Variants in ARHGAP19 observed in about 807,000 individuals in gnomAD.
The protein encoded by ARHGAP19 is Rho GTPase activating protein 19, also known as rho GTPase-activating protein 19.
ARHGAP19 carries 48 observed loss-of-function variants against 60.9 expected under a neutral mutation model. The observed-to-expected ratio is 0.79, with a 90% CI of 0.62 to 1.00. The LOEUF (loss-of-function observed/expected upper bound fraction) is 1.00, where lower values mean the gene tolerates loss of function less well. Ranked by LOEUF, ARHGAP19 falls within the 50% of genes least tolerant of loss-of-function variation. The pLI is 0.00. For synonymous variants in ARHGAP19, 209 were observed against 215.5 expected, an observed-to-expected ratio of 0.97 and a Z score of 0.27; for missense variants, 562 against 597.2, an observed-to-expected ratio of 0.94 and a Z score of 0.61.
rs1850863665 is a variant in ARHGAP19, at chr10:97,224,710, C to T, written c.*1412G>A. The stretch of plus-strand genomic sequence containing the variant: ...CATAGTGGCCTGACTCGGCTCCAAC[C>T]CACAGGGTGAGAAGGGTTGTACAGC... On this transcript the variant is annotated 3_prime_UTR_variant, in exon 12 of 12. Transcript: ENST00000358531. 6.6e-6 allele frequency: 1 copy of T among 152,284 alleles called. No individual in the cohort carries two copies. Among genetic ancestry groups the T allele is most frequent in the African/African-American group, 2.4e-5 (1 of 41,464 alleles). 9.4% of individuals were successfully genotyped at this position (152,284 alleles called of 1,614,324 possible).
At chr10:97,241,344 C>CCTTAGG (rs748257869) in intron 8 of ARHGAP19, among the ~76,000 whole-genome samples, 45 of 150,710 alleles carry the variant, frequency 3.0e-4, no homozygotes, top group Non-Finnish European at 4.9e-4. Flanking sequence ...ATATTTGAGC[C>CCTTAGG]CTTACATCTA....
intron 6 of ARHGAP19, among the ~76,000 whole-genome samples, chr10:97,248,515 T>G (rs1456434460): frequency 6.6e-6 from 1 of 152,106 alleles, no homozygotes; most frequent in East Asian, 1.9e-4. Flanking sequence ...AAATCTGAAT[T>G]GGTGGTATTA....
At chr10:97,243,912 C>G (rs1842525006) in intron 8 of ARHGAP19, 56 bp downstream of exon 8, 2 of 1,456,868 alleles carry the variant, frequency 1.4e-6, no homozygotes, top group African/African-American at 1.4e-5. Flanking sequence ...CCTACTGATT[C>G]TACAACCACG....
chr10:97,270,634 T>A (rs758695088), intron 1 of ARHGAP19: 38 of 1,548,748 alleles, frequency 2.5e-5, no homozygotes, highest in Non-Finnish European at 8.7e-7. Context: ...TGATGAGGCA[T>A]TGGTAAATCG....
chr10:97,243,844 T>C (rs1842524134), intron 8 of ARHGAP19, 124 bp downstream of exon 8: 14 of 906,254 alleles, frequency 1.5e-5, no homozygotes, highest in Admixed American at 2.7e-5. Context: ...GGAGATTCCA[T>C]AGACAAGCCT....
At chr10:97,259,076 T>C (rs1049278545) in intron 5 of ARHGAP19, among the ~76,000 whole-genome samples, 1 of 152,236 alleles carries the variant, frequency 6.6e-6, no homozygotes, top group Non-Finnish European at 1.5e-5. Flanking sequence ...TAATTTGATT[T>C]CCCAAGAAGC....
intron 1 of ARHGAP19, among the ~76,000 whole-genome samples, chr10:97,267,927 T>C (rs138314730): frequency 1.3e-3 from 191 of 152,394 alleles, no homozygotes; most frequent in African/African-American, 4.4e-3. Context: ...TGGCATGTCC[T>C]GGAGACATTT....
At position 97,265,913 on chromosome 10, in the gene ARHGAP19, C is replaced by A. The variant is rs1192518173; in HGVS notation, c.269G>T (p.Gly90Val). 1 of 1,614,140 alleles carries A rather than the reference C, an allele frequency of 6.2e-7. No individual in the cohort carries two copies. Among genetic ancestry groups the A allele is most frequent in the African/African-American group, 1.3e-5 (1 of 75,028 alleles). The change falls in exon 2 of 12, where the codon GGG becomes GTG. Residue 90 changes from glycine (G) to valine (V), a missense_variant. Coordinates refer to ENST00000358531, the MANE Select transcript of ARHGAP19 (RefSeq NM_032900.6). Reference protein sequence around the residue: ...MGEVDLKLPGGAGPASGFFRS... With the variant: ...MGEVDLKLPGVAGPASGFFRS... ...GAAGAATCCTGATGCTGGGCCAGCC[C>A]CGCCAGGCAACTTAAGGTCCACTTC...
intron 8 of ARHGAP19, among the ~76,000 whole-genome samples, chr10:97,239,004 G>T (rs1842426231): frequency 6.6e-6 from 1 of 152,106 alleles, no homozygotes; most frequent in African/African-American, 2.4e-5. Context: ...ATTGCCTACA[G>T]TACTCAGTAC....
rs372411196 is a variant in ARHGAP19 at position 97,274,500 on chromosome 10, G to A, written c.57-8375C>T. On this transcript the variant is annotated intron_variant, in intron 1 of 11. Coordinates refer to ENST00000358531, the MANE Select transcript of ARHGAP19 (RefSeq NM_032900.6). The stretch of plus-strand genomic sequence containing the variant: ...AAAGAGTTCCTGAAGTGCTAATACT[G>A]TTCTTGTGGATAAATCACTGAGCTA... Among the ~76,000 whole-genome samples, 123 of 151,846 alleles carry A rather than the reference G, an allele frequency of 8.1e-4. 2 individuals carry two copies. In the East Asian group the frequency reaches 0.019, roughly 23 times the overall value.
intron 6 of ARHGAP19, among the ~76,000 whole-genome samples, chr10:97,251,347 AGGG>A (rs1842653085): frequency 3.6e-5 from 1 of 27,830 alleles, no homozygotes. Flanking sequence ...AGGAAGGGGG[AGGG>A]AAAGGAAAGG....
At chr10:97,285,131 C>T (rs1179673514) in intron 1 of ARHGAP19, among the ~76,000 whole-genome samples, 1 of 151,988 alleles carries the variant, frequency 6.6e-6, no homozygotes, top group Non-Finnish European at 1.5e-5. Flanking sequence ...TCCCAAAGTG[C>T]TGGGATTACA....
intron 4 of ARHGAP19, 31 bp from the exon 5 acceptor site, chr10:97,259,659 G>A (rs1472860923): frequency 6.4e-7 from 1 of 1,553,250 alleles, no homozygotes; most frequent in Non-Finnish European, 8.9e-7. Flanking sequence ...TGCAAAGTGG[G>A]GAGAAAATAT....
chr10:97,274,915 G>A (rs181590717), intron 1 of ARHGAP19: 3 of 152,094 alleles, frequency 2.0e-5, no homozygotes, highest in Non-Finnish European at 4.4e-5. Context: ...GGAGACAGAG[G>A]GATTGACAGG....
At chr10:97,263,380 A>G (rs1842855840) in intron 4 of ARHGAP19, 40 bp downstream of exon 4, 1 of 1,579,430 alleles carries the variant, frequency 6.3e-7, no homozygotes, top group East Asian at 2.2e-5. Flanking sequence ...CTAAATTGAA[A>G]GAAATGTATT....
chr10:97,238,293 A>G (rs1842413457), intron 8 of ARHGAP19, among the ~76,000 whole-genome samples: 1 of 152,104 alleles, frequency 6.6e-6, no homozygotes. Context: ...CGCAGCCCCA[A>G]ACTCCTGGGC....
chr10:97,235,144 T>C, intron 9 of ARHGAP19, 73 bp downstream of exon 9: 6 of 1,425,754 alleles, frequency 4.2e-6, no homozygotes, highest in South Asian at 2.4e-5. Context: ...AGAAAACTTT[T>C]TATGCATAAG....
intron 5 of ARHGAP19, among the ~76,000 whole-genome samples, chr10:97,257,585 C>T (rs1321405544): frequency 1.3e-5 from 2 of 152,068 alleles, no homozygotes; most frequent in Admixed American, 1.3e-4. Flanking sequence ...TGATTACAGG[C>T]GTAAGTCACT....
intron 5 of ARHGAP19, 68 bp downstream of exon 5, chr10:97,259,334 G>T: frequency 8.2e-7 from 1 of 1,223,178 alleles, no homozygotes; most frequent in Non-Finnish European, 1.2e-6. Flanking sequence ...TCTCACCAAT[G>T]TACAGCCATA....
Sources: gnomAD v4.1 joint callset for allele counts (sites outside exome capture counted in the v4.1 genomes callset) on GRCh38, gnomAD v4.1.1 for gene constraint, MANE v1.5 for transcripts, NCBI Gene and HGNC (gene_info 2026-07-23, HGNC 2026-07-21) for gene names.